The following GRIN3A variants were observed in gnomAD, a reference collection of about 807,000 sequenced individuals.
The protein encoded by GRIN3A is glutamate receptor ionotropic, NMDA 3A.
GRIN3A carries 47 observed loss-of-function variants against 92.4 expected under a neutral mutation model. The ratio of observed to expected loss-of-function variants is 0.51; its 90% CI spans 0.40 to 0.65. The LOEUF is 0.65. Among genes scored for constraint, GRIN3A ranks in the 30% least tolerant of loss-of-function variants. The pLI is 0.00. For synonymous variants in GRIN3A, 527 were observed against 540.6 expected, an observed-to-expected ratio of 0.97 and a Z score of 0.35; for missense variants, 1,324 against 1,393.1, an observed-to-expected ratio of 0.95 and a Z score of 0.79.
chr9:101,575,771 T>G (rs1330530225), intron 8 of GRIN3A, among the ~76,000 whole-genome samples: 1 of 152,170 alleles, frequency 6.6e-6, no homozygotes, highest in Non-Finnish European at 1.5e-5. Flanking sequence ...TAGATATACT[T>G]CCAAGAGAAG....
chr9:101,621,371 C>A (rs998956479), intron 5 of GRIN3A, among the ~76,000 whole-genome samples: 12 of 151,520 alleles, frequency 7.9e-5, no homozygotes, highest in Admixed American at 6.6e-4. Context: ...CACATTGTTT[C>A]GTGTAATTTA....
chr9:101,575,949 A>G (rs752624518), intron 8 of GRIN3A, among the ~76,000 whole-genome samples: 10 of 152,196 alleles, frequency 6.6e-5, no homozygotes, highest in Non-Finnish European at 1.3e-4. Context: ...GTAATATAAT[A>G]TAGAAGAATA....
rs182133640 is a variant in GRIN3A, at chr9:101,631,529, C to A, written c.2353-3128G>T. Among the ~76,000 whole-genome samples, 5 of 152,204 alleles carry A rather than the reference C, an allele frequency of 3.3e-5. No homozygotes were observed. In the East Asian group the frequency reaches 9.7e-4, roughly 29 times the overall value. The stretch of plus-strand genomic sequence containing the variant: ...ATCCTGCTTTTCTGGGTCTCATTTT[C>A]TTTTCTGAATGCACCAGCACATCGT... On this transcript the variant is annotated intron_variant, in intron 3 of 8. Transcript: ENST00000361820.
intron 6 of GRIN3A, among the ~76,000 whole-genome samples, chr9:101,586,491 A>G (rs1827952399): frequency 6.6e-6 from 1 of 152,116 alleles, no homozygotes; most frequent in Non-Finnish European, 1.5e-5. Context: ...TGTTTAAGAG[A>G]GAAGGGTGGA....
At chr9:101,663,007 C>CA (rs1829190752) in intron 3 of GRIN3A, among the ~76,000 whole-genome samples, 1 of 151,904 alleles carries the variant, frequency 6.6e-6, no homozygotes, top group South Asian at 2.1e-4. Flanking sequence ...GTCTAGTGAT[C>CA]AAAACCCTCT....
chr9:101,703,593 G>A (rs934525810), intron 1 of GRIN3A, among the ~76,000 whole-genome samples: 1 of 152,190 alleles, frequency 6.6e-6, no homozygotes, highest in Non-Finnish European at 1.5e-5. Context: ...AGAGGGTCCA[G>A]ACATTTGTTC....
rs1023168349 is a variant in GRIN3A, at chr9:101,737,943, C to A, written c.37G>T (p.Val13Phe). ...CAGGGCGGCGGCAACAGCAGACAGA[C>A]CCTGCTCAGCAGCCACCACAAACTC... Reference protein sequence around the residue: ...RLSLWWLLSRVCLLLPPPCAL... With the variant: ...RLSLWWLLSRFCLLLPPPCAL... Residue 13 changes from valine to phenylalanine, a missense_variant, in exon 1 of 9, where the codon GTC becomes TTC. Coordinates refer to ENST00000361820, the MANE Select transcript of GRIN3A (RefSeq NM_133445.3). 2.6e-6 allele frequency: 4 copies of A among 1,537,886 alleles called. No individual in the cohort carries two copies. The highest frequency in any genetic ancestry group is 3.9e-5 in the Admixed American group (2 of 51,670).
intron 1 of GRIN3A, among the ~76,000 whole-genome samples, chr9:101,718,574 C>T (rs1417917415): frequency 6.6e-6 from 1 of 152,116 alleles, no homozygotes; most frequent in South Asian, 2.1e-4. Context: ...TTAGAATTCA[C>T]CTTATAGGTT....
chr9:101,679,688 G>C (rs1442107790), intron 2 of GRIN3A, among the ~76,000 whole-genome samples: 1 of 152,136 alleles, frequency 6.6e-6, no homozygotes, highest in African/African-American at 2.4e-5. Flanking sequence ...AGTAGCCCTA[G>C]CAGAGAAAGT....
chr9:101,609,036 T>C (rs1437697374), intron 6 of GRIN3A, among the ~76,000 whole-genome samples: 8 of 152,212 alleles, frequency 5.3e-5, no homozygotes, highest in African/African-American at 1.9e-4. Flanking sequence ...TGTATTCTTC[T>C]GTCTCCCCCT....
rs1310061892 is a variant in GRIN3A at position 101,702,303 on chromosome 9, C to CA, written c.700-15104dup. ...GTTGACAGAGTGAGACTCTAATCTCCAAAAAAAAATTTTTTTATTTATTCA... is the reference window on the plus strand; with the variant it reads ...GTTGACAGAGTGAGACTCTAATCTCCAAAAAAAAAATTTTTTTATTTATTCA... On this transcript the variant is annotated intron_variant, in intron 1 of 8. Coordinates refer to ENST00000361820, the MANE Select transcript of GRIN3A (RefSeq NM_133445.3). 2.6e-5 allele frequency among the ~76,000 whole-genome samples: 4 copies of CA among 151,724 alleles called. No individual in the cohort carries two copies. In the South Asian group the frequency reaches 6.3e-4, roughly 24 times the overall value.
rs1160580917 is a variant in GRIN3A at position 101,570,230 on chromosome 9, C to T, written c.*2944G>A. On this transcript the variant is annotated 3_prime_UTR_variant, in exon 9 of 9. Transcript: ENST00000361820. ...TCCAGCTCATCTGAGCATGCTTTAT[C>T]ATGTGCTTCCTGTGCCAGAAAAGCA... 2.6e-5 allele frequency: 4 copies of T among 152,256 alleles called. No homozygotes were observed. The highest frequency in any genetic ancestry group is 4.4e-5 in the Non-Finnish European group (3 of 68,038). The allele number at this position is 152,256 out of a possible 1,614,324, so 9.4% of individuals were successfully genotyped here.
At chr9:101,642,198 A>G (rs1828875462) in intron 3 of GRIN3A, among the ~76,000 whole-genome samples, 1 of 152,206 alleles carries the variant, frequency 6.6e-6, no homozygotes, top group South Asian at 2.1e-4. Flanking sequence ...CTAATCTTCA[A>G]TGAAGGTCCC....
intron 2 of GRIN3A, among the ~76,000 whole-genome samples, chr9:101,673,916 A>G (rs528282654): frequency 6.6e-6 from 1 of 152,100 alleles, no homozygotes; most frequent in Non-Finnish European, 1.5e-5. Context: ...ATAGAGGTAA[A>G]TCTGGTGTCA....
intron 1 of GRIN3A, among the ~76,000 whole-genome samples, chr9:101,694,287 A>T (rs1486886264): frequency 6.6e-6 from 1 of 152,202 alleles, no homozygotes; most frequent in African/African-American, 2.4e-5. Flanking sequence ...AGTCCATTTT[A>T]TACCAGGCTA....
intron 6 of GRIN3A, among the ~76,000 whole-genome samples, chr9:101,586,542 G>A (rs1443834398): frequency 1.3e-5 from 2 of 152,162 alleles, no homozygotes; most frequent in African/African-American, 4.8e-5. Flanking sequence ...ACAAGGCCCA[G>A]TTTTGCTAGC....
chr9:101,623,085 A>G (rs1057079273), intron 5 of GRIN3A, among the ~76,000 whole-genome samples: 11 of 152,148 alleles, frequency 7.2e-5, no homozygotes, highest in African/African-American at 2.7e-4. Context: ...AAACAACATC[A>G]TATGGGTAAC....
At chr9:101,603,434 A>G (rs1828236707) in intron 6 of GRIN3A, among the ~76,000 whole-genome samples, 1 of 152,196 alleles carries the variant, frequency 6.6e-6, no homozygotes, top group Non-Finnish European at 1.5e-5. Context: ...CCCTATTATT[A>G]TTCCCGGGTT....
chr9:101,596,296 G>A (rs919316345), intron 6 of GRIN3A, among the ~76,000 whole-genome samples: 22 of 152,046 alleles, frequency 1.4e-4, no homozygotes, highest in African/African-American at 4.6e-4. Context: ...AGCTGATTAT[G>A]GGCATTACAC....
Sources: allele counts gnomAD v4.1 joint callset (sites outside exome capture counted in the v4.1 genomes callset), GRCh38; gene constraint gnomAD v4.1.1; transcripts MANE v1.5; gene names NCBI Gene and HGNC (gene_info 2026-07-23, HGNC 2026-07-21).